The following TIMM17A variants were observed in gnomAD, a reference collection of about 807,000 sequenced individuals.
TIMM17A encodes mitochondrial import inner membrane translocase subunit Tim17-A.
A neutral mutation model predicts 26.5 loss-of-function variants in TIMM17A; 15 were observed. The ratio of observed to expected loss-of-function variants is 0.57; its 90% CI spans 0.38 to 0.87. The LOEUF is 0.87. TIMM17A is among the 40% of genes least tolerant of loss of function. The pLI, the probability that TIMM17A is intolerant of heterozygous loss-of-function variation, is 0.00. For missense variants in TIMM17A, 201 were observed against 210.0 expected, an observed-to-expected ratio of 0.96 and a Z score of 0.27; for synonymous variants, 80 against 70.8, an observed-to-expected ratio of 1.13 and a Z score of -0.66.
chr1:201,962,260 G>C (rs2820308), intron 3 of TIMM17A: 2 of 152,078 alleles, frequency 1.3e-5, no homozygotes, highest in Admixed American at 1.3e-4. Context: ...TAACTGGTTT[G>C]TTTTTACATA....
chr1:201,970,403 A>C lies in TIMM17A; in HGVS notation c.*849A>C, dbSNP rs1682713325. The C allele has an allele frequency of 6.6e-6, 1 of 152,228 alleles. No homozygotes were observed. 9.4% of individuals were successfully genotyped at this position (152,228 alleles called of 1,614,324 possible). A position where few individuals can be genotyped will look rare whatever the true frequency, so the allele number is the denominator to read the frequency against. ...TTTTGGGGTCTGGTTGGGCCTGGAA[A>C]ATGGATGAGCACTTCAGAACAGGTC... On this transcript the variant is annotated 3_prime_UTR_variant, in exon 6 of 6. Transcript: ENST00000367287.
At chr1:201,961,989 C>T (rs879453801) in intron 3 of TIMM17A, among the ~76,000 whole-genome samples, 2 of 152,086 alleles carry the variant, frequency 1.3e-5, no homozygotes, top group African/African-American at 2.4e-5. Context: ...GGTGTATAGA[C>T]GTTCGCCTCA....
At chr1:201,964,600 T>TA (rs1462023016) in intron 4 of TIMM17A, among the ~76,000 whole-genome samples, 1 of 151,140 alleles carries the variant, frequency 6.6e-6, no homozygotes, top group East Asian at 1.9e-4. Context: ...TGTGTTTCAG[T>TA]AAAACTTTAT....
intron 3 of TIMM17A, among the ~76,000 whole-genome samples, chr1:201,960,236 C>G (rs1464582309): frequency 6.6e-6 from 1 of 151,984 alleles, no homozygotes; most frequent in Non-Finnish European, 1.5e-5. Context: ...CCCGTCTCTA[C>G]TAAAAATACA....
chr1:201,961,904 A>G (rs1299481961), intron 3 of TIMM17A, among the ~76,000 whole-genome samples: 3 of 151,580 alleles, frequency 2.0e-5, no homozygotes, highest in Admixed American at 1.3e-4. Context: ...GTATACTCTG[A>G]CACTCCATGC....
chr1:201,959,834 A>AC (rs1311492555), intron 3 of TIMM17A, among the ~76,000 whole-genome samples: 1 of 151,084 alleles, frequency 6.6e-6, no homozygotes, highest in Non-Finnish European at 1.5e-5. Context: ...ATACAAAAAA[A>AC]AACAACAACA....
chr1:201,963,535 A>C (rs1260952758), intron 3 of TIMM17A, 81 bp from the exon 4 acceptor site: 5 of 1,438,958 alleles, frequency 3.5e-6, no homozygotes, highest in South Asian at 1.3e-5. Flanking sequence ...GACTATAGTG[A>C]GTATGTTTTT....
At chr1:201,966,884 CTATATATGTTATATAT>C (rs1208746839) in intron 5 of TIMM17A, among the ~76,000 whole-genome samples, 1 of 138,550 alleles carries the variant, frequency 7.2e-6, no homozygotes, top group Non-Finnish European at 1.5e-5. Context: ...TATATATATG[CTATATATGTTATATAT>C]TATATATGTT....
chr1:201,965,353 G>T, intron 4 of TIMM17A, 80 bp from the exon 5 acceptor site: 1 of 998,010 alleles, frequency 1.0e-6, no homozygotes. Context: ...GTCACCATAT[G>T]GACAGTTCTC....
chr1:201,959,678 T>G (rs1055489735), intron 3 of TIMM17A, among the ~76,000 whole-genome samples: 1 of 149,536 alleles, frequency 6.7e-6, no homozygotes, highest in Non-Finnish European at 1.5e-5. Context: ...TAAATAAAAT[T>G]AAAAACTAAA....
chr1:201,960,034 TGTG>T (rs200239111), intron 3 of TIMM17A, among the ~76,000 whole-genome samples: 2 of 151,554 alleles, frequency 1.3e-5, no homozygotes, highest in African/African-American at 4.8e-5. Flanking sequence ...ATAAATGTAA[TGTG>T]GTACTGTGGA....
chr1:201,957,800 AT>A (rs11480520), intron 3 of TIMM17A: 2,659 of 313,076 alleles, frequency 8.5e-3, no homozygotes, highest in South Asian at 0.011. Flanking sequence ...ACACTCGGTG[AT>A]TTTTTTTTTT....
At chr1:201,964,870 G>A (rs765173224) in intron 4 of TIMM17A, among the ~76,000 whole-genome samples, 2 of 151,316 alleles carry the variant, frequency 1.3e-5, no homozygotes, top group Non-Finnish European at 2.9e-5. Flanking sequence ...GGATGGTCTC[G>A]ATCTCCTGAC....
At chr1:201,964,696 T>C (rs1682596091) in intron 4 of TIMM17A, among the ~76,000 whole-genome samples, 1 of 136,424 alleles carries the variant, frequency 7.3e-6, no homozygotes, top group Admixed American at 8.3e-5. Context: ...TCGCCCGAGC[T>C]GGAATGCAGT....
At chr1:201,966,479 C>A (rs1682627848) in intron 5 of TIMM17A, among the ~76,000 whole-genome samples, 1 of 152,048 alleles carries the variant, frequency 6.6e-6, no homozygotes, top group Non-Finnish European at 1.5e-5. Flanking sequence ...CAGAGCAAGA[C>A]CCCATCTCTT....
chr1:201,968,846 C>G (rs1479470492), intron 5 of TIMM17A, among the ~76,000 whole-genome samples: 1 of 150,626 alleles, frequency 6.6e-6, no homozygotes, highest in Non-Finnish European at 1.5e-5. Context: ...TTCAGTTTTT[C>G]TTAAAGGAGA....
chr1:201,956,482 G>C (rs1352350572), intron 1 of TIMM17A, among the ~76,000 whole-genome samples: 2 of 152,148 alleles, frequency 1.3e-5, no homozygotes, highest in East Asian at 3.9e-4. Context: ...CCCATAAATG[G>C]CATACAAAAT....
chr1:201,958,245 A>G (rs111884184), intron 3 of TIMM17A, among the ~76,000 whole-genome samples: 1 of 152,218 alleles, frequency 6.6e-6, no homozygotes, highest in African/African-American at 2.4e-5. Context: ...GGAGAAACCC[A>G]TCAAGCCGAT....
intron 5 of TIMM17A, among the ~76,000 whole-genome samples, chr1:201,966,715 G>A (rs1424394495): frequency 1.3e-5 from 2 of 151,434 alleles, no homozygotes; most frequent in Non-Finnish European, 2.9e-5. Context: ...GGTGGCACAC[G>A]CCTGTAATCG....
Sources: gnomAD v4.1 joint callset for allele counts (sites outside exome capture counted in the v4.1 genomes callset) on GRCh38, gnomAD v4.1.1 for gene constraint, MANE v1.5 for transcripts, NCBI Gene and HGNC (gene_info 2026-07-23, HGNC 2026-07-21) for gene names.